LGR6: variants seen among roughly 807,000 people sequenced by gnomAD.
LGR6 encodes leucine rich repeat containing G protein-coupled receptor 6, also known as leucine-rich repeat-containing G protein-coupled receptor 6.
LGR6 carries 45 observed loss-of-function variants against 69.4 expected under a neutral mutation model. That is an observed-to-expected ratio of 0.65 (90% CI 0.51 to 0.83). The LOEUF is 0.83. Among genes scored for constraint, LGR6 ranks in the 40% least tolerant of loss-of-function variants. The pLI is 0.00. For missense variants in LGR6, 1,108 were observed against 1,246.7 expected (o/e 0.89, Z 1.68); for synonymous variants, 538 against 555.0 (o/e 0.97, Z 0.43).
intron 4 of LGR6, among the ~76,000 whole-genome samples, chr1:202,262,727 C>T (rs1664333996): frequency 6.6e-6 from 1 of 152,124 alleles, no homozygotes; most frequent in South Asian, 2.1e-4. Context: ...TTTCCATAAT[C>T]TTCGCCCCTT....
At position 202,217,966 on chromosome 1, in the gene LGR6, T is replaced by C. The variant is rs559399369; in HGVS notation, c.213-7457T>C. ...TCCCTTGTTTGGATATTTGTGAAAATTGCAAAAAATCTGAGACAACTTTGT... is the reference window on the plus strand; with the variant it reads ...TCCCTTGTTTGGATATTTGTGAAAACTGCAAAAAATCTGAGACAACTTTGT... On this transcript the variant is annotated intron_variant, in intron 1 of 17. Coordinates refer to ENST00000367278, the MANE Select transcript of LGR6 (RefSeq NM_001017403.2). Among the ~76,000 whole-genome samples the C allele has an allele frequency of 4.6e-5, 7 of 152,292 alleles. No homozygotes were observed. In the East Asian group the frequency reaches 9.6e-4, roughly 21 times the overall value.
chr1:202,278,433 C>T (rs941799366), intron 5 of LGR6, among the ~76,000 whole-genome samples: 5 of 151,898 alleles, frequency 3.3e-5, no homozygotes, highest in Non-Finnish European at 5.9e-5. Context: ...AGGGGAAGGC[C>T]CACTGAGGAC....
intron 4 of LGR6, among the ~76,000 whole-genome samples, chr1:202,242,105 G>A (rs1392738591): frequency 6.6e-6 from 1 of 152,188 alleles, no homozygotes; most frequent in East Asian, 1.9e-4. Context: ...GGAAGGAGGA[G>A]TGGCTCCCTC....
chr1:202,281,326 G>A (rs1013809339), intron 6 of LGR6, among the ~76,000 whole-genome samples: 4 of 152,104 alleles, frequency 2.6e-5, no homozygotes, highest in African/African-American at 4.8e-5. Flanking sequence ...CCAATTGATC[G>A]AACTAGCTAA....
intron 16 of LGR6, among the ~76,000 whole-genome samples, chr1:202,311,860 G>A (rs1653760663): frequency 6.6e-6 from 1 of 152,146 alleles, no homozygotes; most frequent in African/African-American, 2.4e-5. Context: ...ATGGTGGGCA[G>A]GCAACCTGGG....
In LGR6 at chr1:202,318,451, C is replaced by G. The variant is rs537921748; in HGVS notation, c.2148C>G (p.Leu716=). ...ASVGEYGASP[L]CLPYAPPEGQ... ...TGGGAGAATACGGGGCCTCCCCACT[C>G]TGCCTGCCCTACGCGCCACCTGAGG... Residue 716 remains leucine, a synonymous_variant, in exon 18 of 18, where the codon CTC becomes CTG. Transcript: ENST00000367278. The G allele has an allele frequency of 8.7e-6, 14 of 1,612,806 alleles. 1 individual carries two copies. The highest frequency in any genetic ancestry group is 6.6e-5 in the South Asian group (6 of 91,022).
chr1:202,305,785 A>G (rs759832207), intron 12 of LGR6, 36 bp downstream of exon 12: 4 of 1,581,122 alleles, frequency 2.5e-6, no homozygotes, highest in Non-Finnish European at 3.5e-6. Flanking sequence ...AAAGCACGCC[A>G]GCCAGACCCT....
chr1:202,205,822 C>G (rs1430637649), intron 1 of LGR6, among the ~76,000 whole-genome samples: 1 of 137,442 alleles, frequency 7.3e-6, no homozygotes, highest in Non-Finnish European at 1.6e-5. Flanking sequence ...TTCATACACA[C>G]ACACCCCAAC....
chr1:202,304,512 G>A (rs750654772), intron 10 of LGR6, 47 bp from the exon 11 acceptor site: 1 of 1,436,430 alleles, frequency 7.0e-7, no homozygotes, highest in Non-Finnish European at 9.7e-7. Context: ...GCTGGGAATG[G>A]CAGGGCCCTG....
chr1:202,195,162 G>C (rs545919178), intron 1 of LGR6, among the ~76,000 whole-genome samples: 1 of 95,328 alleles, frequency 1.0e-5, no homozygotes, highest in South Asian at 5.8e-4. Context: ...GGAGCTGGGA[G>C]CAGGTGGGAA....
chr1:202,214,444 G>A (rs1259896425), intron 1 of LGR6, among the ~76,000 whole-genome samples: 1 of 151,290 alleles, frequency 6.6e-6, no homozygotes, highest in Non-Finnish European at 1.5e-5. Context: ...GGGCGGGCAG[G>A]GGCACGGCCA....
intron 12 of LGR6, 196 bp from the exon 13 acceptor site, chr1:202,306,672 C>T (rs1223094290): frequency 2.6e-5 from 17 of 644,620 alleles, no homozygotes; most frequent in Non-Finnish European, 4.7e-5. Context: ...GTGGCTTTGT[C>T]TCCTGACCCA....
At chr1:202,236,925 G>T (rs1661613831) in intron 4 of LGR6, among the ~76,000 whole-genome samples, 1 of 152,122 alleles carries the variant, frequency 6.6e-6, no homozygotes, top group Non-Finnish European at 1.5e-5. Flanking sequence ...TGGGTGGAAG[G>T]AGAAATGAGG....
intron 7 of LGR6, chr1:202,298,575 G>A: frequency 6.7e-6 from 1 of 149,434 alleles, no homozygotes; most frequent in Non-Finnish European, 1.5e-5. Flanking sequence ...ATGCTGGAGT[G>A]CAGTGGCACG....
At chr1:202,281,707 G>A (rs1240785952) in intron 6 of LGR6, among the ~76,000 whole-genome samples, 1 of 152,086 alleles carries the variant, frequency 6.6e-6, no homozygotes, top group East Asian at 1.9e-4. Context: ...TTGGGGTAGA[G>A]CTCATGGTGT....
chr1:202,236,066 C>G lies in LGR6; in HGVS notation c.428+73C>G, dbSNP rs1661521812. On this transcript the variant is annotated intron_variant, in intron 4 of 17. Coordinates refer to ENST00000367278, the MANE Select transcript of LGR6 (RefSeq NM_001017403.2). ...TGAGTCACAGCCCAGGGCCCCCTGC[C>G]TCAGCTTTCCCTTCCCTCTGCAGGC... 3 of 1,287,762 alleles carry G rather than the reference C, an allele frequency of 2.3e-6. No homozygotes were observed. In the East Asian group the frequency reaches 6.9e-5, roughly 30 times the overall value. The allele number at this position is 1,287,762 out of a possible 1,614,324, so 79.8% of individuals were successfully genotyped here.
At chr1:202,272,708 A>G (rs1665203054) in intron 4 of LGR6, among the ~76,000 whole-genome samples, 1 of 152,228 alleles carries the variant, frequency 6.6e-6, no homozygotes, top group African/African-American at 2.4e-5. Context: ...AATGCAGGAG[A>G]TGGACTAACC....
intron 4 of LGR6, among the ~76,000 whole-genome samples, chr1:202,265,231 G>T (rs1664549719): frequency 6.6e-6 from 1 of 152,108 alleles, no homozygotes; most frequent in Admixed American, 6.5e-5. Flanking sequence ...GCTTCTGGTG[G>T]CTCAGTTGAC....
rs200282490 is a variant in LGR6, at chr1:202,318,166, C to A, written c.1863C>A (p.Val621=). The stretch of plus-strand genomic sequence containing the variant: ...TTTCCTGTGGCCTTCTAGCCTCAGT[C>A]GATGCCCTGACCTTTGGTCAGTTCT... ...TGISCGLLAS[V]DALTFGQFSE... Residue 621 remains valine (V), a synonymous_variant, in exon 18 of 18, where the codon GTC becomes GTA. Coordinates refer to ENST00000367278, the MANE Select transcript of LGR6 (RefSeq NM_001017403.2). 2 of 1,613,846 alleles carry A rather than the reference C, an allele frequency of 1.2e-6. No homozygotes were observed. The highest frequency in any genetic ancestry group is 1.7e-5 in the Admixed American group (1 of 60,026).
Sources: allele counts gnomAD v4.1 joint callset (sites outside exome capture counted in the v4.1 genomes callset), GRCh38; gene constraint gnomAD v4.1.1; transcripts MANE v1.5; gene names NCBI Gene and HGNC (gene_info 2026-07-23, HGNC 2026-07-21).